The following SCD5 variants were observed in gnomAD, a reference collection of about 807,000 sequenced individuals.
The protein encoded by SCD5 is stearoyl-CoA desaturase 5, also known as acyl-CoA-desaturase 4.
In SCD5, 20 loss-of-function variants were observed where a neutral mutation model predicts 30.4. That is an observed-to-expected ratio of 0.66 (90% confidence interval 0.46 to 0.96). The LOEUF (loss-of-function observed/expected upper bound fraction) is 0.96, where lower values mean the gene tolerates loss of function less well. Among genes scored for constraint, SCD5 ranks in the 40% least tolerant of loss-of-function variants. SCD5 has a pLI of 0.00. For missense variants in SCD5, 381 were observed against 443.3 expected, an observed-to-expected ratio of 0.86 and a Z score of 1.26; for synonymous variants, 173 against 176.4, an observed-to-expected ratio of 0.98 and a Z score of 0.16.
At chr4:82,694,370 G>A (rs1578024927) in intron 2 of SCD5, among the ~76,000 whole-genome samples, 1 of 152,224 alleles carries the variant, frequency 6.6e-6, no homozygotes, top group East Asian at 1.9e-4. Context: ...GACGCTGTCA[G>A]TGCCAAAGCT....
At chr4:82,782,320 A>G (rs1391662078) in intron 1 of SCD5, among the ~76,000 whole-genome samples, 1 of 152,154 alleles carries the variant, frequency 6.6e-6, no homozygotes. Context: ...TAGAATACAG[A>G]CATACAGCAG....
At chr4:82,725,322 G>A (rs1204956936) in intron 1 of SCD5, among the ~76,000 whole-genome samples, 2 of 152,142 alleles carry the variant, frequency 1.3e-5, no homozygotes, top group African/African-American at 4.8e-5. Flanking sequence ...TTCAGTTCAA[G>A]CCCAAAGAAA....
chr4:82,659,019 A>T (rs1373950201), intron 3 of SCD5, among the ~76,000 whole-genome samples: 3 of 152,018 alleles, frequency 2.0e-5, no homozygotes, highest in Non-Finnish European at 4.4e-5. Flanking sequence ...AGAACTTGTT[A>T]TTGGTCTATT....
rs1719992159 is a variant in SCD5 at position 82,707,384 on chromosome 4, G to C, written c.233-1971C>G. ...AAAAGCAGGAATTAAAAAATATATG[G>C]AGCAGCCTAGAGAACTCACGGACGG... On this transcript the variant is annotated intron_variant, in intron 1 of 4. Transcript: ENST00000319540. Among the ~76,000 whole-genome samples, 3 of 152,288 alleles carry C rather than the reference G, an allele frequency of 2.0e-5. 1 individual carries two copies. Among genetic ancestry groups the C allele is most frequent in the African/African-American group, 7.2e-5 (3 of 41,574 alleles).
At chr4:82,722,395 GTAAT>G (rs543418265) in intron 1 of SCD5, among the ~76,000 whole-genome samples, 12 of 152,296 alleles carry the variant, frequency 7.9e-5, no homozygotes, top group African/African-American at 2.9e-4. Context: ...TCAGTAATAA[GTAAT>G]TGTTATGTTT....
At chr4:82,767,406 A>G (rs1428088296) in intron 1 of SCD5, among the ~76,000 whole-genome samples, 1 of 151,966 alleles carries the variant, frequency 6.6e-6, no homozygotes, top group Non-Finnish European at 1.5e-5. Context: ...ACATGGCTGC[A>G]CTCTGCTTGG....
At chr4:82,725,781 A>G (rs1720456030) in intron 1 of SCD5, among the ~76,000 whole-genome samples, 1 of 152,022 alleles carries the variant, frequency 6.6e-6, no homozygotes, top group African/African-American at 2.4e-5. Context: ...GATCACTTAA[A>G]CCTGGGAGGC....
At chr4:82,726,211 G>A (rs1482116639) in intron 1 of SCD5, among the ~76,000 whole-genome samples, 1 of 152,132 alleles carries the variant, frequency 6.6e-6, no homozygotes, top group African/African-American at 2.4e-5. Flanking sequence ...CTGAGGTCAG[G>A]AGTTCGAGAC....
intron 3 of SCD5, among the ~76,000 whole-genome samples, chr4:82,675,367 G>A (rs1480332342): frequency 1.3e-5 from 2 of 152,160 alleles, no homozygotes; most frequent in Non-Finnish European, 2.9e-5. Context: ...TGGGAGGTGG[G>A]AGAGAAGACT....
rs543030034 is a variant in SCD5 at position 82,700,947 on chromosome 4, G to A, written c.363+4336C>T. 2.8e-3 allele frequency among the ~76,000 whole-genome samples: 420 copies of A among 152,130 alleles called. 4 individuals are homozygous for A. Among genetic ancestry groups the A allele is most frequent in the South Asian group, 0.013 (64 of 4,822 alleles). On this transcript the variant is annotated intron_variant, in intron 2 of 4. Coordinates refer to ENST00000319540, the MANE Select transcript of SCD5 (RefSeq NM_001037582.3). Reference sequence around the variant, plus strand: ...ATATCAGAAACCTGGATCTACATAAGTGAAGGTAAAATAGAAACTTTTATT... The same window carrying A: ...ATATCAGAAACCTGGATCTACATAAATGAAGGTAAAATAGAAACTTTTATT...
intron 1 of SCD5, among the ~76,000 whole-genome samples, chr4:82,739,331 T>C (rs1194963567): frequency 1.3e-5 from 2 of 152,158 alleles, no homozygotes; most frequent in Non-Finnish European, 2.9e-5. Flanking sequence ...CAAACTCAAC[T>C]CTCGGGATCA....
chr4:82,793,445 G>A (rs1437703247), intron 1 of SCD5, among the ~76,000 whole-genome samples: 4 of 152,230 alleles, frequency 2.6e-5, no homozygotes, highest in African/African-American at 9.6e-5. Flanking sequence ...AGGAAGCACA[G>A]AAGGGATTTG....
Position 82,732,371 on chromosome 4 carries a change from C to T in SCD5, c.233-26958G>A, listed in dbSNP as rs144230638. On this transcript the variant is annotated intron_variant, in intron 1 of 4. Transcript: ENST00000319540. ...TCCCAAAGTGCTTGGATTACAGGCACGAGCCACCACGCCTGGCCTCCTATT... is the reference window on the plus strand; with the variant it reads ...TCCCAAAGTGCTTGGATTACAGGCATGAGCCACCACGCCTGGCCTCCTATT... Among the ~76,000 whole-genome samples, 242 of 152,304 alleles carry T rather than the reference C, an allele frequency of 1.6e-3. 1 individual carries two copies. The highest frequency in any genetic ancestry group is 5.5e-3 in the African/African-American group (230 of 41,560).
intron 4 of SCD5, among the ~76,000 whole-genome samples, chr4:82,633,917 C>T (rs920380762): frequency 6.6e-6 from 1 of 152,186 alleles, no homozygotes; most frequent in East Asian, 1.9e-4. Flanking sequence ...GCCATCACCC[C>T]CAACCGCCTC....
chr4:82,709,169 G>A (rs980814355), intron 1 of SCD5, among the ~76,000 whole-genome samples: 1 of 152,158 alleles, frequency 6.6e-6, no homozygotes, highest in African/African-American at 2.4e-5. Flanking sequence ...AATGAATCAG[G>A]TCCTTTTAGC....
At chr4:82,772,004 T>C (rs2148848775) in intron 1 of SCD5, among the ~76,000 whole-genome samples, 1 of 152,256 alleles carries the variant, frequency 6.6e-6, no homozygotes, top group Middle Eastern at 3.4e-3. Flanking sequence ...CAACTTGGGG[T>C]TTCAGGAAAG....
chr4:82,632,689 C>T (rs1727321109), intron 4 of SCD5, among the ~76,000 whole-genome samples: 1 of 152,192 alleles, frequency 6.6e-6, no homozygotes, highest in Non-Finnish European at 1.5e-5. Flanking sequence ...CACATCCTCT[C>T]CAGCACCTGT....
chr4:82,730,711 G>A (rs968448979), intron 1 of SCD5, among the ~76,000 whole-genome samples: 19 of 148,846 alleles, frequency 1.3e-4, no homozygotes, highest in Non-Finnish European at 1.6e-4. Flanking sequence ...TCAGCCTCCC[G>A]AGTAGCTGGG....
chr4:82,726,417 CA>C (rs398051208), intron 1 of SCD5, among the ~76,000 whole-genome samples: 1,886 of 108,756 alleles, frequency 0.017, 30 homozygotes, highest in African/African-American at 0.055. Context: ...AACTCTGTCT[CA>C]AAAAAAAAAA....
Sources: allele counts gnomAD v4.1 joint callset (sites outside exome capture counted in the v4.1 genomes callset), GRCh38; gene constraint gnomAD v4.1.1; transcripts MANE v1.5; gene names NCBI Gene and HGNC (gene_info 2026-07-23, HGNC 2026-07-21).